Variants in RGS6 observed in about 807,000 individuals in gnomAD.
RGS6 encodes the protein regulator of G-protein signaling 6.
RGS6 carries 30 observed loss-of-function variants against 78.5 expected under a neutral mutation model. The ratio of observed to expected loss-of-function variants is 0.38; its 90% CI spans 0.29 to 0.52. RGS6 has a LOEUF of 0.52. RGS6 is among the 20% of genes least tolerant of loss of function. The pLI, the probability that RGS6 is intolerant of heterozygous loss-of-function variation, is 0.85. For synonymous variants in RGS6, 206 were observed against 206.0 expected (o/e 1.00, Z 0.00); for missense variants, 495 against 609.7 (o/e 0.81, Z 1.98).
intron 2 of RGS6, among the ~76,000 whole-genome samples, chr14:72,290,570 T>G (rs2063401248): frequency 6.6e-6 from 1 of 152,218 alleles, no homozygotes; most frequent in Non-Finnish European, 1.5e-5. Flanking sequence ...CTTGGCTTCA[T>G]GGGACCCCCT....
the RGS6 span, among the ~76,000 whole-genome samples, chr14:72,592,810 G>A: frequency 2.0e-5 from 3 of 152,198 alleles, no homozygotes; most frequent in Admixed American, 1.3e-4. Flanking sequence ...GGAGAGATAA[G>A]TTGCCTGGCT....
intron 2 of RGS6, among the ~76,000 whole-genome samples, chr14:72,063,619 C>T: frequency 6.6e-6 from 1 of 152,124 alleles, no homozygotes; most frequent in East Asian, 1.9e-4. Flanking sequence ...TTATATTACA[C>T]TTGAAAGCTG....
chr14:72,422,169 T>G (rs1340381836), intron 3 of RGS6, among the ~76,000 whole-genome samples: 2 of 152,206 alleles, frequency 1.3e-5, no homozygotes, highest in African/African-American at 4.8e-5. Context: ...GCCATGATTG[T>G]GAGGCCTCCC....
At chr14:72,241,792 T>C (rs1325110684) in intron 2 of RGS6, among the ~76,000 whole-genome samples, 1 of 152,240 alleles carries the variant, frequency 6.6e-6, no homozygotes, top group Non-Finnish European at 1.5e-5. Context: ...GCATGAACAT[T>C]GTTCAAGTTC....
the RGS6 span, among the ~76,000 whole-genome samples, chr14:72,595,813 C>A: frequency 6.6e-6 from 1 of 152,206 alleles, no homozygotes; most frequent in African/African-American, 2.4e-5. Context: ...CTTTTCCACA[C>A]CACCATCATA....
intron 2 of RGS6, among the ~76,000 whole-genome samples, chr14:72,050,330 G>A (rs886901723): frequency 6.6e-6 from 1 of 152,070 alleles, no homozygotes; most frequent in Non-Finnish European, 1.5e-5. Flanking sequence ...TATTTTATTA[G>A]TTTTCATTTT....
At chr14:72,099,303 G>A (rs1052066489) in intron 2 of RGS6, among the ~76,000 whole-genome samples, 2 of 152,092 alleles carry the variant, frequency 1.3e-5, no homozygotes, top group African/African-American at 4.8e-5. Flanking sequence ...GGGACTACAG[G>A]TACCAGCCTC....
chr14:72,057,477 TTC>T (rs1422478563), intron 2 of RGS6, among the ~76,000 whole-genome samples: 2 of 152,088 alleles, frequency 1.3e-5, no homozygotes, highest in Non-Finnish European at 2.9e-5. Context: ...ATCTGGGTAT[TTC>T]TGAGTGTATT....
intron 2 of RGS6, among the ~76,000 whole-genome samples, chr14:71,988,559 C>G (rs538112679): frequency 6.7e-6 from 1 of 148,840 alleles, no homozygotes; most frequent in African/African-American, 2.5e-5. Flanking sequence ...TTATCTATGG[C>G]TTTTTTTTTT....
At chr14:72,360,770 T>G (rs1343858528) in intron 3 of RGS6, among the ~76,000 whole-genome samples, 3 of 152,112 alleles carry the variant, frequency 2.0e-5, no homozygotes, top group Admixed American at 2.0e-4. Context: ...GAACTTTGAT[T>G]GTGACTGATA....
intron 2 of RGS6, among the ~76,000 whole-genome samples, chr14:72,222,380 A>T (rs1260757943): frequency 1.3e-5 from 2 of 152,168 alleles, no homozygotes; most frequent in Admixed American, 6.5e-5. Flanking sequence ...AAACTGTTGT[A>T]GATGTCATGA....
chr14:72,332,180 G>A (rs918487280), intron 2 of RGS6, among the ~76,000 whole-genome samples: 5 of 152,186 alleles, frequency 3.3e-5, no homozygotes, highest in Admixed American at 3.3e-4. Context: ...GCTGCTGCCA[G>A]AACCAGGTCT....
intron 2 of RGS6, among the ~76,000 whole-genome samples, chr14:72,013,273 A>G (rs1197827261): frequency 3.9e-3 from 37 of 9,500 alleles, no homozygotes; most frequent in Middle Eastern, 0.036. Context: ...TCCGTCTCCA[A>G]AAAAAAAAAA....
chr14:72,024,487 GC>G (rs2153276953), intron 2 of RGS6, among the ~76,000 whole-genome samples: 1 of 152,280 alleles, frequency 6.6e-6, no homozygotes, highest in African/African-American at 2.4e-5. Context: ...AACACATGCT[GC>G]CCTTGCTTCC....
intron 2 of RGS6, among the ~76,000 whole-genome samples, chr14:72,177,267 G>T (rs753119610): frequency 6.6e-6 from 1 of 152,058 alleles, no homozygotes; most frequent in Non-Finnish European, 1.5e-5. Flanking sequence ...GGTTCCATAG[G>T]CCACATATAG....
At chr14:72,292,621 G>C (rs1016227345) in intron 2 of RGS6, among the ~76,000 whole-genome samples, 3 of 152,210 alleles carry the variant, frequency 2.0e-5, no homozygotes, top group African/African-American at 7.2e-5. Flanking sequence ...GCAGGGTTCT[G>C]CAGGCCTGAC....
chr14:72,393,030 A>T (rs2090384918), intron 3 of RGS6, among the ~76,000 whole-genome samples: 1 of 152,226 alleles, frequency 6.6e-6, no homozygotes, highest in Non-Finnish European at 1.5e-5. Flanking sequence ...AAAAAGTGAC[A>T]GGCTTCTGAA....
At chr14:72,088,727 C>T (rs934919939) in intron 2 of RGS6, among the ~76,000 whole-genome samples, 9 of 152,088 alleles carry the variant, frequency 5.9e-5, no homozygotes, top group Admixed American at 5.9e-4. Context: ...AACATCCACA[C>T]TTTTTATCCT....
At chr14:72,576,518 T>A in the RGS6 span, among the ~76,000 whole-genome samples, 1 of 152,218 alleles carries the variant, frequency 6.6e-6, no homozygotes, top group African/African-American at 2.4e-5. Flanking sequence ...TTTCAACACC[T>A]TGAAACATAA....
Sources: allele counts gnomAD v4.1 joint callset (sites outside exome capture counted in the v4.1 genomes callset), GRCh38; gene constraint gnomAD v4.1.1; transcripts MANE v1.5; gene names NCBI Gene and HGNC (gene_info 2026-07-23, HGNC 2026-07-21).